DNAAF6: variants seen among roughly 807,000 people sequenced by gnomAD.
DNAAF6 encodes the protein PIH1 domain containing 3.
Under a neutral mutation model 13.7 loss-of-function variants are expected in DNAAF6, and 3 were observed. The ratio of observed to expected loss-of-function variants is 0.22; its 90% CI spans 0.10 to 0.56. DNAAF6 has a LOEUF of 0.56. DNAAF6 is among the 20% of genes least tolerant of loss of function. DNAAF6 has a pLI of 0.92. For missense variants in DNAAF6, 130 were observed against 151.0 expected, an observed-to-expected ratio of 0.86 and a Z score of 0.73; for synonymous variants, 54 against 49.2, an observed-to-expected ratio of 1.10 and a Z score of -0.41.
intron 2 of DNAAF6, among the ~76,000 whole-genome samples, chrX:107,215,779 T>C (rs1927962827): frequency 8.9e-6 from 1 of 111,766 alleles, no homozygotes; most frequent in African/African-American, 3.2e-5. Flanking sequence ...GAGGTGCTAG[T>C]TGGCCAGTAG....
chrX:107,243,267 AAAG>A lies in DNAAF6; in HGVS notation c.616_618del (p.Arg206del). 1.7e-6 allele frequency: 2 copies of A among 1,208,650 alleles called. No individual in the cohort carries two copies. Among genetic ancestry groups the A allele is most frequent in the Non-Finnish European group, 1.1e-6 (1 of 894,542 alleles). ...ACTCTTGAAATCACTATGACTATGA[AAAG>A]AGAGTTAGATATTGCTAATTTCTTC... On this transcript the variant is annotated inframe_deletion, in exon 7 of 7. Coordinates refer to ENST00000372453, the MANE Select transcript of DNAAF6 (RefSeq NM_173494.2).
At chrX:107,215,503 G>A (rs1927957686) in intron 2 of DNAAF6, among the ~76,000 whole-genome samples, 1 of 112,058 alleles carries the variant, frequency 8.9e-6, no homozygotes, top group African/African-American at 3.2e-5. Context: ...ACATAAAAAT[G>A]CCTGTAATGC....
At chrX:107,226,779 C>T (rs187148115) in intron 5 of DNAAF6, among the ~76,000 whole-genome samples, 1 of 111,214 alleles carries the variant, frequency 9.0e-6, no homozygotes, top group East Asian at 2.8e-4. Context: ...ATTGATAAGG[C>T]GACATTCTGA....
At chrX:107,223,353 A>T (rs1212340001) in intron 5 of DNAAF6, among the ~76,000 whole-genome samples, 1 of 111,996 alleles carries the variant, frequency 8.9e-6, no homozygotes, top group African/African-American at 3.2e-5. Context: ...TAAGAAAGAC[A>T]TCTAAAATGT....
chrX:107,210,539 C>A (rs1309655223), intron 1 of DNAAF6, among the ~76,000 whole-genome samples: 1 of 110,578 alleles, frequency 9.0e-6, no homozygotes, highest in Non-Finnish European at 1.9e-5. Flanking sequence ...CTGCCTCGGG[C>A]CCCTGAGTAG....
At chrX:107,223,460 T>A (rs1928193605) in intron 5 of DNAAF6, among the ~76,000 whole-genome samples, 1 of 111,772 alleles carries the variant, frequency 8.9e-6, no homozygotes, top group Admixed American at 9.6e-5. Context: ...ATACCAACAA[T>A]ATCAATGATA....
intron 3 of DNAAF6, among the ~76,000 whole-genome samples, chrX:107,217,149 C>T (rs1325700479): frequency 8.9e-6 from 1 of 111,838 alleles, no homozygotes; most frequent in Non-Finnish European, 1.9e-5. Flanking sequence ...TACTCTACCA[C>T]TGCAGGTAAA....
intron 5 of DNAAF6, among the ~76,000 whole-genome samples, chrX:107,224,768 A>G (rs1280159789): frequency 9.1e-6 from 1 of 110,299 alleles, no homozygotes; most frequent in East Asian, 2.9e-4. Flanking sequence ...CTGAGGGAGT[A>G]CAATTGGAAT....
chrX:107,221,426 G>A (rs1010235016), intron 4 of DNAAF6, among the ~76,000 whole-genome samples: 16 of 110,530 alleles, frequency 1.4e-4, no homozygotes, highest in African/African-American at 3.6e-4. Context: ...TGAAGACTGC[G>A]TCTAACCGTG....
At chrX:107,209,593 C>T (rs1036786052) in intron 1 of DNAAF6, among the ~76,000 whole-genome samples, 5 of 111,129 alleles carry the variant, frequency 4.5e-5, no homozygotes, top group Non-Finnish European at 9.4e-5. Flanking sequence ...CCATCATGCC[C>T]GGCTAATTTT....
Position 107,212,896 on chromosome X carries a change from T to G in DNAAF6, c.21T>G (p.Asp7Glu). 8.4e-7 allele frequency: 1 copy of G among 1,194,453 alleles called. No individual in the cohort carries two copies. Among genetic ancestry groups the G allele is most frequent in the South Asian group, 1.9e-5 (1 of 53,357 alleles). The change falls in exon 2 of 7, where the codon GAT becomes GAG. Residue 7 changes from aspartate (D) to glutamate (E), a missense_variant. By Grantham distance (45) the Asp-to-Glu change is conservative (BLOSUM62 2). Transcript: ENST00000372453. The stretch of plus-strand genomic sequence containing the variant: ...AGATAATGGAATCTGAAAATATGGA[T>G]TCTGAAAATATGAAGACAGAAAATA... MESENM[D>E]SENMKTENME...
intron 5 of DNAAF6, among the ~76,000 whole-genome samples, chrX:107,230,276 C>T (rs113379998): frequency 0.046 from 5,165 of 111,591 alleles, 311 homozygotes; most frequent in African/African-American, 0.16. Flanking sequence ...ATGTTACTAA[C>T]GATCATCATC....
At chrX:107,215,257 A>G (rs1927952103) in intron 2 of DNAAF6, among the ~76,000 whole-genome samples, 1 of 111,319 alleles carries the variant, frequency 9.0e-6, no homozygotes, top group Admixed American at 9.6e-5. Flanking sequence ...ATCACTGTCC[A>G]TGGAAAGTAT....
chrX:107,227,217 G>A (rs1359778304), intron 5 of DNAAF6, among the ~76,000 whole-genome samples: 2 of 110,583 alleles, frequency 1.8e-5, no homozygotes, highest in African/African-American at 3.3e-5. Context: ...TCAGCCTCCC[G>A]AGTAGTTGGG....
chrX:107,213,419 G>C (rs936793638), intron 2 of DNAAF6, among the ~76,000 whole-genome samples: 10 of 112,023 alleles, frequency 8.9e-5, no homozygotes, highest in African/African-American at 2.9e-4. Context: ...GGACCACCAA[G>C]TACCAGTCCC....
chrX:107,209,165 CAT>C (rs1927791524), intron 1 of DNAAF6, among the ~76,000 whole-genome samples: 1 of 111,116 alleles, frequency 9.0e-6, no homozygotes, highest in Non-Finnish European at 1.9e-5. Flanking sequence ...TTAATTCAGA[CAT>C]AGGCAGAGAT....
intron 1 of DNAAF6, among the ~76,000 whole-genome samples, 152 bp downstream of exon 1, chrX:107,206,842 A>T (rs768505795): frequency 9.0e-5 from 10 of 111,335 alleles, no homozygotes; most frequent in Non-Finnish European, 1.7e-4. Context: ...CCGTTCCCTA[A>T]ATCCCGCTAT....
chrX:107,223,265 C>T (rs964013393), intron 5 of DNAAF6, among the ~76,000 whole-genome samples: 2 of 111,366 alleles, frequency 1.8e-5, no homozygotes, highest in Non-Finnish European at 3.8e-5. Flanking sequence ...CTGTATTTCT[C>T]GTAATGACTC....
At chrX:107,231,854 CT>C (rs1569375635) in intron 5 of DNAAF6, among the ~76,000 whole-genome samples, 1 of 110,706 alleles carries the variant, frequency 9.0e-6, no homozygotes, top group Non-Finnish European at 1.9e-5. Flanking sequence ...AGATAAATTT[CT>C]TTTTTTTCTT....
Sources: gnomAD v4.1 joint callset for allele counts (sites outside exome capture counted in the v4.1 genomes callset) on GRCh38, gnomAD v4.1.1 for gene constraint, MANE v1.5 for transcripts, NCBI Gene and HGNC (gene_info 2026-07-23, HGNC 2026-07-21) for gene names.